Variants in TAF3 observed in about 807,000 individuals in gnomAD.
The protein encoded by TAF3 is transcription initiation factor TFIID subunit 3.
Under a neutral mutation model 80.6 loss-of-function variants are expected in TAF3, and 7 were observed. The observed-to-expected ratio is 0.09, with a 90% CI of 0.05 to 0.16. The LOEUF (loss-of-function observed/expected upper bound fraction) is 0.16, where lower values mean the gene tolerates loss of function less well. TAF3 is among the 10% of genes least tolerant of loss of function. The pLI is 1.00. For missense variants in TAF3, 921 were observed against 1,140.2 expected (o/e 0.81, Z 2.77); for synonymous variants, 444 against 446.1 (o/e 1.00, Z 0.06).
intron 2 of TAF3, among the ~76,000 whole-genome samples, chr10:7,940,348 T>C (rs1440111287): frequency 6.6e-6 from 1 of 152,242 alleles, no homozygotes; most frequent in East Asian, 1.9e-4. Context: ...AAGCACCCAG[T>C]ATATTTTTAG....
At chr10:7,989,966 A>G (rs2131427656) in intron 4 of TAF3, among the ~76,000 whole-genome samples, 1 of 152,306 alleles carries the variant, frequency 6.6e-6, no homozygotes, top group South Asian at 2.1e-4. Context: ...TCTAAAGTTT[A>G]TTATAATTAG....
At chr10:7,924,205 G>A (rs1837793874) in intron 2 of TAF3, among the ~76,000 whole-genome samples, 1 of 152,210 alleles carries the variant, frequency 6.6e-6, no homozygotes, top group Non-Finnish European at 1.5e-5. Flanking sequence ...AAGTGTGAGG[G>A]AGAAATGGAA....
chr10:7,867,284 C>G (rs1837223427), intron 2 of TAF3, among the ~76,000 whole-genome samples: 2 of 151,918 alleles, frequency 1.3e-5, no homozygotes. Context: ...AAACAAAAAA[C>G]AAAAACCACC....
chr10:7,947,533 G>A (rs1410894869), intron 2 of TAF3, among the ~76,000 whole-genome samples: 2 of 152,224 alleles, frequency 1.3e-5, no homozygotes, highest in Non-Finnish European at 2.9e-5. Flanking sequence ...AATGTGCAGT[G>A]ATCAGAGACG....
At chr10:8,013,903 C>T (rs1832079614) in intron 6 of TAF3, 66 bp downstream of exon 6, 2 of 1,341,162 alleles carry the variant, frequency 1.5e-6, no homozygotes, top group Non-Finnish European at 1.1e-6. Context: ...TGAGATGAAG[C>T]ATCCACTGAG....
chr10:7,984,706 C>T lies in TAF3; in HGVS notation c.2315+7383C>T, dbSNP rs144392927. Among the ~76,000 whole-genome samples, 542 of 152,250 alleles carry T rather than the reference C, an allele frequency of 3.6e-3. 5 individuals are homozygous for T. The highest frequency in any genetic ancestry group is 0.012 in the African/African-American group (488 of 41,548). ...CTCTCCGCAGTGTTATCAAGGTCCA[C>T]GATCACTAATTGAGTGAATATAGGA... On this transcript the variant is annotated intron_variant, in intron 4 of 6. Transcript: ENST00000344293.
intron 2 of TAF3, among the ~76,000 whole-genome samples, chr10:7,858,836 C>T (rs2778470): frequency 6.7e-6 from 1 of 150,320 alleles, no homozygotes; most frequent in Admixed American, 6.6e-5. Flanking sequence ...GTGCGCGCGC[C>T]TGCATGTCAC....
chr10:7,999,547 C>T (rs1278297381), intron 4 of TAF3, among the ~76,000 whole-genome samples: 1 of 151,254 alleles, frequency 6.6e-6, no homozygotes, highest in Non-Finnish European at 1.5e-5. Flanking sequence ...ACCTCCGCCT[C>T]CCAGGTTCAA....
chr10:7,937,746 C>T (rs1039563730), intron 2 of TAF3, among the ~76,000 whole-genome samples: 1 of 152,264 alleles, frequency 6.6e-6, no homozygotes, highest in Non-Finnish European at 1.5e-5. Context: ...CCTAACATTT[C>T]AAGAGCACTT....
intron 5 of TAF3, among the ~76,000 whole-genome samples, chr10:8,010,478 G>A (rs1201224727): frequency 6.6e-6 from 1 of 152,182 alleles, no homozygotes; most frequent in Non-Finnish European, 1.5e-5. Flanking sequence ...CTGATATTAT[G>A]AGCCAGGTAG....
chr10:7,938,083 A>G (rs1212143827), intron 2 of TAF3, among the ~76,000 whole-genome samples: 2 of 152,238 alleles, frequency 1.3e-5, no homozygotes, highest in African/African-American at 2.4e-5. Context: ...GTCTTTATTA[A>G]TAAAACATTT....
chr10:7,863,652 C>G (rs1482336661), intron 2 of TAF3, among the ~76,000 whole-genome samples: 1 of 98,492 alleles, frequency 1.0e-5, no homozygotes, highest in Non-Finnish European at 2.0e-5. Flanking sequence ...TATATACACA[C>G]ACACATATAT....
chr10:7,958,748 C>T (rs1016967999), intron 2 of TAF3, among the ~76,000 whole-genome samples: 2 of 152,162 alleles, frequency 1.3e-5, no homozygotes, highest in Non-Finnish European at 2.9e-5. Flanking sequence ...AACTTCCACG[C>T]GCGTTACTTA....
chr10:7,825,576 G>A (rs1836731752), intron 2 of TAF3, among the ~76,000 whole-genome samples: 1 of 147,026 alleles, frequency 6.8e-6, no homozygotes, highest in African/African-American at 2.5e-5. Context: ...TTTTATAAAT[G>A]GACTTGGACA....
chr10:7,906,415 G>A (rs1209903527), intron 2 of TAF3, among the ~76,000 whole-genome samples: 2 of 152,126 alleles, frequency 1.3e-5, no homozygotes, highest in African/African-American at 4.8e-5. Flanking sequence ...CTTATTCAAA[G>A]GAAAAACCTG....
intron 2 of TAF3, among the ~76,000 whole-genome samples, chr10:7,832,408 T>C (rs1029791319): frequency 5.3e-5 from 8 of 152,226 alleles, no homozygotes; most frequent in Admixed American, 2.6e-4. Context: ...TAATACTTTT[T>C]AATTTTTATG....
At chr10:7,904,647 A>C (rs1447470035) in intron 2 of TAF3, among the ~76,000 whole-genome samples, 1 of 152,228 alleles carries the variant, frequency 6.6e-6, no homozygotes, top group Non-Finnish European at 1.5e-5. Flanking sequence ...AGTTAGAATA[A>C]ACAGGAGAGA....
At chr10:7,820,323 A>G (rs541614853) in intron 1 of TAF3, among the ~76,000 whole-genome samples, 3 of 152,260 alleles carry the variant, frequency 2.0e-5, no homozygotes, top group African/African-American at 4.8e-5. Flanking sequence ...AGAAAAATTG[A>G]TTATATTTGT....
At position 8,006,264 on chromosome 10, in the gene TAF3, T is replaced by C. The variant is rs549649474; in HGVS notation, c.2316-2814T>C. On this transcript the variant is annotated intron_variant, in intron 4 of 6. Transcript: ENST00000344293. ...GGTGGTGCATGCCTGTAATCCCAGC[T>C]ACTTGGGAGGCTAAGGCGGGAGAAT... Among the ~76,000 whole-genome samples, 8 of 150,554 alleles carry C rather than the reference T, an allele frequency of 5.3e-5. No homozygotes were observed. In the South Asian group the frequency reaches 1.5e-3, roughly 28 times the overall value.
Sources: allele counts gnomAD v4.1 joint callset (sites outside exome capture counted in the v4.1 genomes callset), GRCh38; gene constraint gnomAD v4.1.1; transcripts MANE v1.5; gene names NCBI Gene and HGNC (gene_info 2026-07-23, HGNC 2026-07-21).